Variants in HMBOX1 observed in about 807,000 individuals in gnomAD.
The protein encoded by HMBOX1 is homeobox-containing protein 1.
Under a neutral mutation model 54.5 loss-of-function variants are expected in HMBOX1, and 14 were observed. The observed-to-expected ratio is 0.26, with a 90% CI of 0.17 to 0.40. The LOEUF is 0.40. HMBOX1 is among the 10% of genes least tolerant of loss of function. The pLI, the probability that HMBOX1 is intolerant of heterozygous loss-of-function variation, is 1.00. For synonymous variants in HMBOX1, 160 were observed against 181.0 expected (o/e 0.88, Z 0.93); for missense variants, 332 against 514.4 (o/e 0.65, Z 3.43).
At chr8:28,911,837 C>A (rs1585729259) in intron 1 of HMBOX1, among the ~76,000 whole-genome samples, 1 of 152,192 alleles carries the variant, frequency 6.6e-6, no homozygotes, top group East Asian at 1.9e-4. Flanking sequence ...TATTTTGGAA[C>A]CAGCCCACTG....
At chr8:28,951,579 A>C (rs1024545363) in intron 1 of HMBOX1, among the ~76,000 whole-genome samples, 1 of 152,228 alleles carries the variant, frequency 6.6e-6, no homozygotes, top group African/African-American at 2.4e-5. Flanking sequence ...GAGTTTAGGA[A>C]AAGGAAGCCT....
chr8:28,968,828 G>C (rs928701394), intron 2 of HMBOX1, among the ~76,000 whole-genome samples: 2 of 152,150 alleles, frequency 1.3e-5, no homozygotes, highest in East Asian at 3.8e-4. Context: ...TATCAAAATA[G>C]AAGAGATTAC....
chr8:28,935,632 A>G (rs889407890), intron 1 of HMBOX1, among the ~76,000 whole-genome samples: 7 of 152,208 alleles, frequency 4.6e-5, no homozygotes, highest in Admixed American at 3.9e-4. Context: ...GCTAAGGCCA[A>G]GTTTCTTAGA....
At chr8:28,941,823 C>T (rs1821466600) in intron 1 of HMBOX1, among the ~76,000 whole-genome samples, 1 of 152,156 alleles carries the variant, frequency 6.6e-6, no homozygotes, top group Non-Finnish European at 1.5e-5. Context: ...CGATTGATTG[C>T]TTCTAGGCTT....
At chr8:28,892,625 AT>A (rs1811239990) in intron 1 of HMBOX1, among the ~76,000 whole-genome samples, 1 of 152,128 alleles carries the variant, frequency 6.6e-6, no homozygotes, top group Non-Finnish European at 1.5e-5. Context: ...AGAGTGTGTA[AT>A]TTTATGATAT....
At chr8:29,029,774 T>G (rs1190973849) in intron 6 of HMBOX1, among the ~76,000 whole-genome samples, 1 of 152,250 alleles carries the variant, frequency 6.6e-6, no homozygotes, top group Admixed American at 6.5e-5. Context: ...GCCCTTTATC[T>G]TCCTTAACTT....
At chr8:29,043,163 A>G (rs1805089810) in intron 6 of HMBOX1, among the ~76,000 whole-genome samples, 1 of 152,220 alleles carries the variant, frequency 6.6e-6, no homozygotes, top group Non-Finnish European at 1.5e-5. Context: ...TTTCCAGGCC[A>G]GTATCTCATC....
intron 1 of HMBOX1, among the ~76,000 whole-genome samples, chr8:28,927,378 GA>G (rs1179424456): frequency 6.6e-6 from 1 of 152,176 alleles, no homozygotes; most frequent in Non-Finnish European, 1.5e-5. Context: ...AATTTACAAA[GA>G]AGAGAGGTTT....
At chr8:28,983,072 C>T (rs1029860196) in intron 4 of HMBOX1, among the ~76,000 whole-genome samples, 1 of 152,190 alleles carries the variant, frequency 6.6e-6, no homozygotes, top group Non-Finnish European at 1.5e-5. Context: ...CATTTATTAT[C>T]TATTGTACCA....
intron 5 of HMBOX1, among the ~76,000 whole-genome samples, chr8:29,014,896 T>A (rs890038463): frequency 1.3e-5 from 2 of 152,274 alleles, no homozygotes; most frequent in South Asian, 4.1e-4. Flanking sequence ...GTCAGGCTGG[T>A]CTCAAACTCC....
chr8:28,964,521 T>G (rs1211889076), intron 2 of HMBOX1, among the ~76,000 whole-genome samples: 2 of 152,190 alleles, frequency 1.3e-5, no homozygotes, highest in African/African-American at 4.8e-5. Context: ...TTTCAGATAT[T>G]AGAGAAGACA....
intron 1 of HMBOX1, among the ~76,000 whole-genome samples, chr8:28,933,165 C>G (rs1819771837): frequency 6.6e-6 from 1 of 152,166 alleles, no homozygotes; most frequent in Non-Finnish European, 1.5e-5. Context: ...GGTCTACCCT[C>G]TAGCCACTGC....
At chr8:28,927,567 G>A (rs904216230) in intron 1 of HMBOX1, among the ~76,000 whole-genome samples, 1 of 151,934 alleles carries the variant, frequency 6.6e-6, no homozygotes, top group Non-Finnish European at 1.5e-5. Context: ...GAGGTGCTGA[G>A]TGAGAACTCA....
intron 1 of HMBOX1, among the ~76,000 whole-genome samples, chr8:28,930,847 T>C (rs952336284): frequency 2.6e-5 from 4 of 152,208 alleles, no homozygotes; most frequent in Admixed American, 1.3e-4. Flanking sequence ...CATCCTTAAA[T>C]TATTGTTTGA....
At chr8:29,038,108 G>A (rs190255302) in intron 6 of HMBOX1, among the ~76,000 whole-genome samples, 4 of 152,258 alleles carry the variant, frequency 2.6e-5, no homozygotes, top group East Asian at 3.9e-4. Flanking sequence ...ATATGTTCAC[G>A]CAGACACAAA....
chr8:28,905,393 A>G (rs1465752075), intron 1 of HMBOX1, among the ~76,000 whole-genome samples: 1 of 152,256 alleles, frequency 6.6e-6, no homozygotes, highest in Non-Finnish European at 1.5e-5. Context: ...AGAGAGAAGC[A>G]AAAACAAAAA....
chr8:28,982,125 C>G (rs544128406), intron 4 of HMBOX1, among the ~76,000 whole-genome samples: 1 of 152,144 alleles, frequency 6.6e-6, no homozygotes, highest in African/African-American at 2.4e-5. Context: ...CCCAGCTACT[C>G]GGGAGGCTGA....
In HMBOX1 at chr8:29,052,644, C is replaced by T. The variant is rs192657387; in HGVS notation, c.*1489C>T. Reference sequence around the variant, plus strand: ...GCAAAATGATGAACTATTCATGCATCAAAGAAAATTACATCTGCTGGCCTT... The same window carrying T: ...GCAAAATGATGAACTATTCATGCATTAAAGAAAATTACATCTGCTGGCCTT... On this transcript the variant is annotated 3_prime_UTR_variant, in exon 10 of 10. Transcript: ENST00000287701. 3.9e-5 allele frequency: 6 copies of T among 152,164 alleles called. No individual in the cohort carries two copies. Among genetic ancestry groups the T allele is most frequent in the Non-Finnish European group, 2.9e-5 (2 of 68,012 alleles). The allele number at this position is 152,164 out of a possible 1,614,324, so 9.4% of individuals were successfully genotyped here. A position where few individuals can be genotyped will look rare whatever the true frequency, so the allele number is the denominator to read the frequency against.
At chr8:29,022,802 C>T (rs1231652489) in intron 6 of HMBOX1, among the ~76,000 whole-genome samples, 3 of 130,782 alleles carry the variant, frequency 2.3e-5, no homozygotes, top group African/African-American at 8.8e-5. Flanking sequence ...CTAGATTTCT[C>T]GGAAAATACT....
Sources: gnomAD v4.1 joint callset for allele counts (sites outside exome capture counted in the v4.1 genomes callset) on GRCh38, gnomAD v4.1.1 for gene constraint, MANE v1.5 for transcripts, NCBI Gene and HGNC (gene_info 2026-07-23, HGNC 2026-07-21) for gene names.